USP10: variants seen among roughly 807,000 people sequenced by gnomAD.
USP10 encodes the protein ubiquitin carboxyl-terminal hydrolase 10.
In USP10, 22 loss-of-function variants were observed where a neutral mutation model predicts 84.5. That is an observed-to-expected ratio of 0.26 (90% CI 0.19 to 0.37). The LOEUF (loss-of-function observed/expected upper bound fraction) is 0.37. USP10 is among the 10% of genes least tolerant of loss of function. The pLI is 1.00. For synonymous variants in USP10, 454 were observed against 387.6 expected, an observed-to-expected ratio of 1.17 and a Z score of -2.01; for missense variants, 1,019 against 998.9, an observed-to-expected ratio of 1.02 and a Z score of -0.27.
chr16:84,720,909 T>A (rs1907711777), intron 1 of USP10, among the ~76,000 whole-genome samples: 1 of 148,626 alleles, frequency 6.7e-6, no homozygotes, highest in South Asian at 2.2e-4. Context: ...TTTTTTTTTT[T>A]TTGGGAAGGA....
At chr16:84,708,306 C>T (rs997144859) in intron 1 of USP10, among the ~76,000 whole-genome samples, 10 of 151,942 alleles carry the variant, frequency 6.6e-5, no homozygotes, top group Non-Finnish European at 1.0e-4. Flanking sequence ...AAAAATTAGC[C>T]GAGTGTGGTG....
chr16:84,705,482 C>G (rs553464386), intron 1 of USP10, among the ~76,000 whole-genome samples: 2 of 152,048 alleles, frequency 1.3e-5, no homozygotes, highest in South Asian at 2.1e-4. Context: ...CCGCCCACCT[C>G]GGCCTCCCAA....
intron 4 of USP10, among the ~76,000 whole-genome samples, chr16:84,747,399 G>A (rs1033786195): frequency 9.2e-5 from 14 of 152,110 alleles, no homozygotes; most frequent in Admixed American, 6.5e-5. Context: ...TAGGGTGATA[G>A]CAAGCAATGT....
At chr16:84,750,414 A>AAC (rs1216296035) in intron 4 of USP10, among the ~76,000 whole-genome samples, 2 of 151,792 alleles carry the variant, frequency 1.3e-5, no homozygotes, top group South Asian at 2.1e-4. Flanking sequence ...CAAAAAAAAA[A>AAC]AAAAAAACCC....
chr16:84,779,108 C>A lies in USP10; in HGVS notation c.*26C>A, dbSNP rs768007397. 3 of 1,595,030 alleles carry A rather than the reference C, an allele frequency of 1.9e-6. No homozygotes were observed. In the African/African-American group the frequency reaches 4.0e-5, roughly 21 times the overall value. ...ACCCTGTGTGCGCTGTGTGTGCGCC[C>A]AGTGCCCGCTTCGTAGGACACCACC... On this transcript the variant is annotated 3_prime_UTR_variant, in exon 14 of 14. Transcript: ENST00000219473.
chr16:84,748,748 A>C (rs1911551036), intron 4 of USP10, among the ~76,000 whole-genome samples: 1 of 152,206 alleles, frequency 6.6e-6, no homozygotes, highest in African/African-American at 2.4e-5. Flanking sequence ...ATATGACTTT[A>C]AATATAGTTT....
chr16:84,774,871 C>G lies in USP10; in HGVS notation c.2144-289C>G, dbSNP rs562691332. ...TTTAAGTCAGCAGCTTTTTTCTTTTCCATTTTGTAGAGCACCTGTTTTTAA... is the reference window on the plus strand; with the variant it reads ...TTTAAGTCAGCAGCTTTTTTCTTTTGCATTTTGTAGAGCACCTGTTTTTAA... On this transcript the variant is annotated intron_variant, in intron 12 of 13. Coordinates refer to ENST00000219473, the MANE Select transcript of USP10 (RefSeq NM_005153.3). 4.2e-4 allele frequency among the ~76,000 whole-genome samples: 64 copies of G among 152,190 alleles called. 1 individual carries two copies. Among genetic ancestry groups the G allele is most frequent in the African/African-American group, 1.4e-3 (60 of 41,542 alleles).
intron 10 of USP10, among the ~76,000 whole-genome samples, chr16:84,764,666 A>C (rs2150858650): frequency 6.6e-6 from 1 of 152,214 alleles, no homozygotes; most frequent in East Asian, 1.9e-4. Context: ...CCCCGTCTCT[A>C]CTAAAAATAC....
At position 84,709,742 on chromosome 16, in the gene USP10, C is replaced by T. The variant is rs553403199; in HGVS notation, c.21+9631C>T. Among the ~76,000 whole-genome samples, 9 of 152,164 alleles carry T rather than the reference C, an allele frequency of 5.9e-5. No individual in the cohort carries two copies. The East Asian group carries it at 1.5e-3, about 26-fold the overall frequency. On this transcript the variant is annotated intron_variant, in intron 1 of 13. Coordinates refer to ENST00000219473, the MANE Select transcript of USP10 (RefSeq NM_005153.3). ...AGCTGGGAAGACGTCTCTTGTAGAA[C>T]GGTGACATTTGAGCTGGAGTTTTTC...
chr16:84,768,282 G>T lies in USP10; in HGVS notation c.1922G>T (p.Arg641Leu), dbSNP rs926340608. 4 of 1,608,014 alleles carry T rather than the reference G, an allele frequency of 2.5e-6. No individual in the cohort carries two copies. Among genetic ancestry groups the T allele is most frequent in the African/African-American group, 1.3e-5 (1 of 74,956 alleles). The change falls in exon 11 of 14, where the codon CGC becomes CTC. Residue 641 changes from arginine (R) to leucine (L), a missense_variant. Around this residue, in one of 2 missense-constraint regions of USP10, gnomAD observed 232 missense variants for 290.1 expected, o/e 0.80. Coordinates refer to ENST00000219473, the MANE Select transcript of USP10 (RefSeq NM_005153.3). Reference protein sequence around the residue: ...LQLDIQSDKIRTVQDALESLV... With the variant: ...LQLDIQSDKILTVQDALESLV... Reference sequence around the variant, plus strand: ...TTGGATATCCAGTCAGACAAGATACGCACAGTCCAGGATGCACTGGAGAGC... The same window carrying T: ...TTGGATATCCAGTCAGACAAGATACTCACAGTCCAGGATGCACTGGAGAGC...
chr16:84,745,559 G>T lies in USP10; in HGVS notation c.1078G>T (p.Val360Leu). 1 of 1,611,544 alleles carries T rather than the reference G, an allele frequency of 6.2e-7. No homozygotes were observed. Among genetic ancestry groups the T allele is most frequent in the Non-Finnish European group, 8.5e-7 (1 of 1,178,712 alleles). The change falls in exon 4 of 14, where the codon GTG becomes TTG. Residue 360 changes from valine (V) to leucine (L), a missense_variant. This residue lies in a region of USP10 where 787 missense variants were observed against 708.8 expected (regional missense o/e 1.11). Coordinates refer to ENST00000219473, the MANE Select transcript of USP10 (RefSeq NM_005153.3). ...KPSSSSPVAYVETKYSPPAIS... is the reference protein window; with the variant it reads ...KPSSSSPVAYLETKYSPPAIS... ...CTCTTCCTCCTCGCCGGTGGCCTATGTGGAAACTAAGTATTCCCCTCCCGC... is the reference window on the plus strand; with the variant it reads ...CTCTTCCTCCTCGCCGGTGGCCTATTTGGAAACTAAGTATTCCCCTCCCGC...
At chr16:84,739,021 A>T (rs191035136) in intron 2 of USP10, among the ~76,000 whole-genome samples, 9 of 150,618 alleles carry the variant, frequency 6.0e-5, no homozygotes, top group African/African-American at 1.9e-4. Flanking sequence ...CTCAGGTAGC[A>T]GTTTATCTCT....
intron 1 of USP10, among the ~76,000 whole-genome samples, chr16:84,706,293 G>A (rs868005836): frequency 1.9e-4 from 29 of 152,080 alleles, no homozygotes; most frequent in South Asian, 1.5e-3. Context: ...AGAGGTTTTC[G>A]AGATTCCTGC....
chr16:84,747,792 C>T (rs533127464), intron 4 of USP10, among the ~76,000 whole-genome samples: 1 of 151,822 alleles, frequency 6.6e-6, no homozygotes, highest in Non-Finnish European at 1.5e-5. Context: ...GCCTCAAACT[C>T]CTGACCTCAA....
At chr16:84,764,404 G>T (rs866233996) in intron 10 of USP10, 141 bp downstream of exon 10, 7 of 1,152,030 alleles carry the variant, frequency 6.1e-6, no homozygotes, top group Non-Finnish European at 8.8e-6. Flanking sequence ...CTCTTCTCTT[G>T]CACTTCCTGA....
rs1287646717 is a variant in USP10, at chr16:84,745,646, G to A, written c.1165G>A (p.Glu389Lys). The change falls in exon 4 of 14, where the codon GAG becomes AAG. Residue 389 changes from glutamate (E) to lysine (K), a missense_variant. Transcript: ENST00000219473. ...EVKEGLVPVS[E>K]DPVAIKIAEL... Reference sequence around the variant, plus strand: ...CAAAGAAGGGCTTGTTCCGGTTTCAGAGGATCCTGTAGCCATAAAGATTGC... The same window carrying A: ...CAAAGAAGGGCTTGTTCCGGTTTCAAAGGATCCTGTAGCCATAAAGATTGC... 3 of 1,612,170 alleles carry A rather than the reference G, an allele frequency of 1.9e-6. No homozygotes were observed. Among genetic ancestry groups the A allele is most frequent in the Non-Finnish European group, 2.5e-6 (3 of 1,179,200 alleles).
At chr16:84,714,240 G>T (rs764129594) in intron 1 of USP10, among the ~76,000 whole-genome samples, 1 of 152,332 alleles carries the variant, frequency 6.6e-6, no homozygotes, top group African/African-American at 2.4e-5. Flanking sequence ...GAGCCAGCTC[G>T]TTGTGGTTTG....
intron 13 of USP10, among the ~76,000 whole-genome samples, chr16:84,777,045 T>G (rs191119148): frequency 1.1e-4 from 16 of 152,334 alleles, no homozygotes; most frequent in Non-Finnish European, 1.8e-4. Context: ...ATTCTGATCT[T>G]GGAAATGAGG....
intron 12 of USP10, among the ~76,000 whole-genome samples, chr16:84,774,052 C>A (rs1914719460): frequency 6.6e-6 from 1 of 152,068 alleles, no homozygotes; most frequent in Non-Finnish European, 1.5e-5. Context: ...GAGTTCGAGA[C>A]CAGCCTGACC....
Sources: allele counts gnomAD v4.1 joint callset (sites outside exome capture counted in the v4.1 genomes callset), GRCh38; gene constraint gnomAD v4.1.1; regional missense constraint gnomAD v4.1.1; transcripts MANE v1.5; gene names NCBI Gene and HGNC (gene_info 2026-07-23, HGNC 2026-07-21).